TBC1D5: variants seen among roughly 807,000 people sequenced by gnomAD.
The protein encoded by TBC1D5 is TBC1 domain family, member 5.
In TBC1D5, 75 loss-of-function variants were observed where a neutral mutation model predicts 100.3. The observed-to-expected ratio is 0.75, with a 90% CI of 0.62 to 0.91. The LOEUF (loss-of-function observed/expected upper bound fraction) is 0.91. Ranked by LOEUF, TBC1D5 falls within the 40% of genes least tolerant of loss-of-function variation. The probability of loss-of-function intolerance (pLI) is 0.00; values close to 1 mark genes in which losing one functional copy is unlikely to be tolerated. For missense variants in TBC1D5, 910 were observed against 942.4 expected (o/e 0.97, Z 0.45); for synonymous variants, 323 against 325.6 (o/e 0.99, Z 0.09).
At chr3:17,708,571 G>A (rs537089530) in intron 1 of TBC1D5, among the ~76,000 whole-genome samples, 116 of 152,250 alleles carry the variant, frequency 7.6e-4, no homozygotes, top group Middle Eastern at 3.4e-3. Flanking sequence ...AGCAACCCTG[G>A]CTTCTACCCA....
chr3:17,587,160 A>G (rs2096738007), intron 2 of TBC1D5, among the ~76,000 whole-genome samples: 1 of 151,994 alleles, frequency 6.6e-6, no homozygotes, highest in Non-Finnish European at 1.5e-5. Flanking sequence ...ATACACCTCC[A>G]TAAATAATCA....
chr3:17,422,452 G>A (rs543196277), intron 4 of TBC1D5, among the ~76,000 whole-genome samples: 9 of 151,782 alleles, frequency 5.9e-5, no homozygotes, highest in East Asian at 1.9e-4. Flanking sequence ...CTCCAAAAGC[G>A]CTGAGATTAC....
At chr3:17,305,330 C>T (rs1393902594) in intron 14 of TBC1D5, among the ~76,000 whole-genome samples, 1 of 152,134 alleles carries the variant, frequency 6.6e-6, no homozygotes, top group African/African-American at 2.4e-5. Context: ...TGTTCTCTTT[C>T]CATATGTACC....
intron 2 of TBC1D5, among the ~76,000 whole-genome samples, chr3:17,566,843 T>G (rs902844653): frequency 6.6e-6 from 1 of 151,852 alleles, no homozygotes; most frequent in Non-Finnish European, 1.5e-5. Flanking sequence ...TTTTTGAATA[T>G]GGAAATTCTG....
At chr3:17,347,525 C>A (rs1302393972) in intron 13 of TBC1D5, among the ~76,000 whole-genome samples, 1 of 151,944 alleles carries the variant, frequency 6.6e-6, no homozygotes, top group Non-Finnish European at 1.5e-5. Context: ...TACCTAAAAT[C>A]ATAAGCCTAA....
In TBC1D5 at chr3:17,169,542, A is replaced by G. The variant is rs187203333; in HGVS notation, c.1853-1714T>C. On this transcript the variant is annotated intron_variant, in intron 19 of 21. Coordinates refer to ENST00000253692, the Ensembl canonical transcript of TBC1D5. ...AAAGCAACAGCGTTTATTTATTGAG[A>G]AAACTTGACTGTAGTTTTGGCTATT... 7.2e-5 allele frequency among the ~76,000 whole-genome samples: 11 copies of G among 152,368 alleles called. 1 individual carries two copies. The South Asian group carries it at 2.3e-3, about 32-fold the overall frequency.
At chr3:17,737,443 G>A (rs981797006) in intron 1 of TBC1D5, among the ~76,000 whole-genome samples, 3 of 152,196 alleles carry the variant, frequency 2.0e-5, no homozygotes, top group South Asian at 2.1e-4. Context: ...CAGCCCTGAA[G>A]AGAACCTTAA....
In TBC1D5 at chr3:17,705,311, C is replaced by T. The variant is rs1221165850; in HGVS notation, c.-101+34032G>A. Among the ~76,000 whole-genome samples, 66 of 114,826 alleles carry T rather than the reference C, an allele frequency of 5.7e-4. 1 individual carries two copies. The highest frequency in any genetic ancestry group is 1.8e-3 in the African/African-American group (59 of 32,330). 75.3% of individuals were successfully genotyped at this position (114,826 alleles called of 152,430 possible). A position where few individuals can be genotyped will look rare whatever the true frequency, so the allele number is the denominator to read the frequency against. ...GGCGGGGGGCTGACCCCCCCACCTC[C>T]CTCCCGGATGGGGCGGCTGGCCGGG... On this transcript the variant is annotated intron_variant, in intron 1 of 21. Transcript: ENST00000253692.
chr3:17,711,467 C>G (rs1372432701), intron 1 of TBC1D5, among the ~76,000 whole-genome samples: 1 of 152,084 alleles, frequency 6.6e-6, no homozygotes, highest in Non-Finnish European at 1.5e-5. Context: ...TCTTCTGCCC[C>G]CCTCATACAT....
intron 1 of TBC1D5, among the ~76,000 whole-genome samples, chr3:17,679,061 T>A (rs1407887509): frequency 3.6e-5 from 5 of 139,100 alleles, no homozygotes; most frequent in Non-Finnish European, 7.6e-5. Context: ...CCTATTTCCA[T>A]ATAATGAAAA....
intron 2 of TBC1D5, among the ~76,000 whole-genome samples, chr3:17,606,438 C>A (rs1233414681): frequency 1.3e-5 from 2 of 151,882 alleles, no homozygotes; most frequent in Admixed American, 6.6e-5. Flanking sequence ...CAGAGTGAAA[C>A]CCCGTCCAAA....
At position 17,214,372 on chromosome 3, in the gene TBC1D5, T is replaced by C; in HGVS notation, c.1589-2A>G. On this transcript the variant is annotated splice_acceptor_variant, in intron 17 of 21. Coordinates refer to ENST00000253692, the Ensembl canonical transcript of TBC1D5. LOFTEE classifies it high-confidence loss of function. The stretch of plus-strand genomic sequence containing the variant: ...AACTGATGTTTTTAGAACTTAGCCC[T>C]GTAAGAAAAATTAAGTAGCAATAAT... 1 of 1,608,694 alleles carries C rather than the reference T, an allele frequency of 6.2e-7. No individual in the cohort carries two copies. Among genetic ancestry groups the C allele is most frequent in the Non-Finnish European group, 8.5e-7 (1 of 1,178,598 alleles).
At chr3:17,672,086 C>G (rs940739753) in intron 1 of TBC1D5, among the ~76,000 whole-genome samples, 1 of 152,194 alleles carries the variant, frequency 6.6e-6, no homozygotes, top group Non-Finnish European at 1.5e-5. Flanking sequence ...AAATTGACAG[C>G]TTTCTCTTTA....
Position 17,649,236 on chromosome 3 carries a change from C to A in TBC1D5, c.-100-25323G>T, listed in dbSNP as rs932139556. On this transcript the variant is annotated intron_variant, in intron 1 of 21. Coordinates refer to ENST00000253692, the Ensembl canonical transcript of TBC1D5. ...AGCAAATTAACGCACAACAGAAAAC[C>A]AAATACCCCATGTTCTTATAAGTGG... Among the ~76,000 whole-genome samples the A allele has an allele frequency of 3.9e-5, 6 of 152,100 alleles. No individual in the cohort carries two copies. The South Asian group carries it at 1.0e-3, about 26-fold the overall frequency.
intron 2 of TBC1D5, among the ~76,000 whole-genome samples, chr3:17,602,842 TG>T (rs1018528433): frequency 6.6e-6 from 1 of 152,118 alleles, no homozygotes; most frequent in Non-Finnish European, 1.5e-5. Context: ...CCCAAAGTGC[TG>T]GGATTACAGG....
chr3:17,557,288 A>T (rs552400279), intron 2 of TBC1D5, among the ~76,000 whole-genome samples: 1 of 152,322 alleles, frequency 6.6e-6, no homozygotes, highest in South Asian at 2.1e-4. Context: ...GGAGAAAAAA[A>T]ACCAAGAGGG....
intron 1 of TBC1D5, among the ~76,000 whole-genome samples, chr3:17,717,786 T>C (rs1025111472): frequency 2.0e-5 from 3 of 152,232 alleles, no homozygotes; most frequent in African/African-American, 7.2e-5. Flanking sequence ...CTAAGGAATA[T>C]ATTTTATATC....
At chr3:17,381,026 G>A (rs963231385) in intron 9 of TBC1D5, among the ~76,000 whole-genome samples, 4 of 151,940 alleles carry the variant, frequency 2.6e-5, no homozygotes, top group Non-Finnish European at 5.9e-5. Flanking sequence ...CTACAGCAAG[G>A]TATTATTTTT....
intron 15 of TBC1D5, among the ~76,000 whole-genome samples, chr3:17,282,796 T>G (rs1231600257): frequency 6.6e-6 from 1 of 152,214 alleles, no homozygotes; most frequent in East Asian, 1.9e-4. Flanking sequence ...ACACTGACTT[T>G]TCACTAACAA....
Sources: gnomAD v4.1 joint callset for allele counts (sites outside exome capture counted in the v4.1 genomes callset) on GRCh38, gnomAD v4.1.1 for gene constraint, MANE v1.5 for transcripts, NCBI Gene and HGNC (gene_info 2026-07-23, HGNC 2026-07-21) for gene names.